The following ARHGAP18 variants were observed in gnomAD, a reference collection of about 807,000 sequenced individuals.
The protein encoded by ARHGAP18 is Rho GTPase activating protein 18.
Under a neutral mutation model 86.2 loss-of-function variants are expected in ARHGAP18, and 67 were observed. That is an observed-to-expected ratio of 0.78 (90% CI 0.64 to 0.95). ARHGAP18 has a LOEUF of 0.95. Among genes scored for constraint, ARHGAP18 ranks in the 40% least tolerant of loss-of-function variants. ARHGAP18 has a pLI of 0.00. For missense variants in ARHGAP18, 691 were observed against 780.4 expected, an observed-to-expected ratio of 0.89 and a Z score of 1.37; for synonymous variants, 283 against 280.4, an observed-to-expected ratio of 1.01 and a Z score of -0.09.
At chr6:129,601,088 C>G (rs79034685) in intron 10 of ARHGAP18, among the ~76,000 whole-genome samples, 1 of 152,148 alleles carries the variant, frequency 6.6e-6, no homozygotes, top group African/African-American at 2.4e-5. Flanking sequence ...TGGCACATAG[C>G]TGAACTAGGG....
chr6:129,683,925 T>C (rs1774375957), intron 1 of ARHGAP18, among the ~76,000 whole-genome samples: 1 of 152,100 alleles, frequency 6.6e-6, no homozygotes, highest in African/African-American at 2.4e-5. Context: ...AAATGGCTTT[T>C]GAAAATGTGA....
chr6:129,583,340 A>C (rs1411813193), intron 13 of ARHGAP18, among the ~76,000 whole-genome samples: 2 of 152,192 alleles, frequency 1.3e-5, no homozygotes, highest in Admixed American at 6.5e-5. Context: ...AAATATAAGA[A>C]GACACTGCAA....
intron 9 of ARHGAP18, among the ~76,000 whole-genome samples, chr6:129,606,340 T>G (rs1170821947): frequency 1.3e-5 from 2 of 152,246 alleles, no homozygotes; most frequent in Non-Finnish European, 2.9e-5. Context: ...GTGGTTTGTT[T>G]CTTTTAATGG....
intron 1 of ARHGAP18, among the ~76,000 whole-genome samples, chr6:129,681,988 C>T (rs1365698071): frequency 6.6e-6 from 1 of 152,218 alleles, no homozygotes; most frequent in African/African-American, 2.4e-5. Context: ...TATACTCTTA[C>T]TGAGCTCATC....
intron 4 of ARHGAP18, among the ~76,000 whole-genome samples, chr6:129,632,905 T>C (rs555120275): frequency 7.2e-5 from 11 of 152,166 alleles, no homozygotes; most frequent in Middle Eastern, 3.4e-3. Flanking sequence ...CTAATACCCC[T>C]CCCACTACTA....
intron 12 of ARHGAP18, among the ~76,000 whole-genome samples, chr6:129,585,995 T>C (rs1352557199): frequency 6.6e-6 from 1 of 152,212 alleles, no homozygotes; most frequent in Admixed American, 6.5e-5. Flanking sequence ...TTGTCCTTGA[T>C]TCTGTGACAG....
chr6:129,669,820 A>C (rs190085737), intron 1 of ARHGAP18, among the ~76,000 whole-genome samples: 1 of 152,254 alleles, frequency 6.6e-6, no homozygotes, highest in African/African-American at 2.4e-5. Context: ...AAATAACTAA[A>C]ATAATATAGA....
intron 5 of ARHGAP18, among the ~76,000 whole-genome samples, chr6:129,624,805 C>T (rs1303038697): frequency 3.3e-5 from 5 of 150,482 alleles, no homozygotes; most frequent in Middle Eastern, 3.4e-3. Context: ...ATCAGCCGGG[C>T]GTGGTGGTGG....
At chr6:129,635,588 T>C (rs768413476) in intron 3 of ARHGAP18, among the ~76,000 whole-genome samples, 3 of 152,204 alleles carry the variant, frequency 2.0e-5, no homozygotes, top group Non-Finnish European at 4.4e-5. Context: ...CCTTAGCAAT[T>C]GAAGATGGCA....
intron 5 of ARHGAP18, among the ~76,000 whole-genome samples, chr6:129,625,691 ATTATATAT>A (rs1326580191): frequency 1.8e-5 from 1 of 54,500 alleles, no homozygotes; most frequent in African/African-American, 6.5e-5. Context: ...ATATTTATAT[ATTATATAT>A]TTATATATTA....
intron 6 of ARHGAP18, among the ~76,000 whole-genome samples, chr6:129,617,559 G>GA (rs1341836155): frequency 6.6e-6 from 1 of 151,942 alleles, no homozygotes. Flanking sequence ...AAAATGGAAA[G>GA]AAAGTCTATT....
intron 1 of ARHGAP18, among the ~76,000 whole-genome samples, chr6:129,678,214 C>T (rs1287754561): frequency 6.6e-6 from 1 of 152,196 alleles, no homozygotes. Context: ...CCTTTTGGGT[C>T]TCCGATCAAT....
At position 129,597,624 on chromosome 6, in the gene ARHGAP18, C is replaced by G. The variant is rs548743633; in HGVS notation, c.1713+1592G>C. ...CTTCTCCTGGCTCCTCGAGGGTGAG[C>G]ACCCAGCTCCCTGACTCCCTGGGAA... On this transcript the variant is annotated intron_variant, in intron 12 of 14. Transcript: ENST00000368149. Among the ~76,000 whole-genome samples, 4 of 152,158 alleles carry G rather than the reference C, an allele frequency of 2.6e-5. No homozygotes were observed. In the East Asian group the frequency reaches 7.7e-4, roughly 29 times the overall value.
At chr6:129,586,922 T>C (rs1365228443) in intron 12 of ARHGAP18, among the ~76,000 whole-genome samples, 3 of 152,110 alleles carry the variant, frequency 2.0e-5, no homozygotes, top group African/African-American at 4.8e-5. Context: ...TCAAACTCCA[T>C]GGAACCTTCC....
chr6:129,650,801 A>G lies in ARHGAP18; in HGVS notation c.114-8783T>C, dbSNP rs1271069290. Among the ~76,000 whole-genome samples the G allele has an allele frequency of 2.0e-5, 3 of 152,138 alleles. No individual in the cohort carries two copies. The East Asian group carries it at 5.8e-4, about 29-fold the overall frequency. ...TAGAGCCACCTGGAAATTAAACACC[A>G]GTAGCTACCTTGCACTTGGAGCATA... On this transcript the variant is annotated intron_variant, in intron 1 of 14. Transcript: ENST00000368149.
At chr6:129,667,670 C>T (rs948014775) in intron 1 of ARHGAP18, among the ~76,000 whole-genome samples, 1 of 151,610 alleles carries the variant, frequency 6.6e-6, no homozygotes, top group Non-Finnish European at 1.5e-5. Context: ...CCCTTCAGGT[C>T]AGGATTTGCC....
intron 1 of ARHGAP18, among the ~76,000 whole-genome samples, chr6:129,666,213 G>T (rs1437680915): frequency 6.6e-6 from 1 of 152,150 alleles, no homozygotes; most frequent in Non-Finnish European, 1.5e-5. Flanking sequence ...TGTAGCAATT[G>T]ACACTGCCCT....
At chr6:129,655,188 G>T (rs1464283015) in intron 1 of ARHGAP18, among the ~76,000 whole-genome samples, 1 of 151,916 alleles carries the variant, frequency 6.6e-6, no homozygotes, top group South Asian at 2.1e-4. Flanking sequence ...GTGTGGTGGT[G>T]CATGCCTGTA....
chr6:129,679,804 A>G (rs1164221090), intron 1 of ARHGAP18, among the ~76,000 whole-genome samples: 2 of 152,202 alleles, frequency 1.3e-5, no homozygotes, highest in Non-Finnish European at 2.9e-5. Flanking sequence ...GGTGGCTTAA[A>G]ACAAATGAAA....
Sources: gnomAD v4.1 joint callset for allele counts (sites outside exome capture counted in the v4.1 genomes callset) on GRCh38, gnomAD v4.1.1 for gene constraint, MANE v1.5 for transcripts, NCBI Gene and HGNC (gene_info 2026-07-23, HGNC 2026-07-21) for gene names.